The following JAM3 variants were observed in gnomAD, a reference collection of about 807,000 sequenced individuals.
The protein encoded by JAM3 is junctional adhesion molecule 3.
Under a neutral mutation model 39.4 loss-of-function variants are expected in JAM3, and 31 were observed. The observed-to-expected ratio is 0.79, with a 90% CI of 0.59 to 1.06. The LOEUF (loss-of-function observed/expected upper bound fraction) is 1.06, where lower values mean the gene tolerates loss of function less well. Among genes scored for constraint, JAM3 ranks in the 50% least tolerant of loss-of-function variants. The pLI, the probability that JAM3 is intolerant of heterozygous loss-of-function variation, is 0.00. For missense variants in JAM3, 455 were observed against 391.4 expected (o/e 1.16, Z -1.37); for synonymous variants, 182 against 148.7 (o/e 1.22, Z -1.63).
At chr11:134,079,334 A>C (rs1405075453) in intron 1 of JAM3, among the ~76,000 whole-genome samples, 1 of 152,212 alleles carries the variant, frequency 6.6e-6, no homozygotes, top group Non-Finnish European at 1.5e-5. Context: ...TACTAGTAAC[A>C]GCTATAGATG....
intron 1 of JAM3, among the ~76,000 whole-genome samples, chr11:134,123,087 C>A (rs1272205129): frequency 6.6e-6 from 1 of 152,218 alleles, no homozygotes; most frequent in Non-Finnish European, 1.5e-5. Context: ...AGGCTCTTGG[C>A]TACTTTGTCT....
At chr11:134,076,156 T>TTC (rs1941566192) in intron 1 of JAM3, among the ~76,000 whole-genome samples, 3 of 142,890 alleles carry the variant, frequency 2.1e-5, no homozygotes, top group Non-Finnish European at 3.1e-5. Context: ...TCTTTCTTTT[T>TTC]TTTTTTTTTT....
intron 1 of JAM3, among the ~76,000 whole-genome samples, chr11:134,120,558 TTAG>T (rs761089524): frequency 1.1e-4 from 16 of 152,212 alleles, no homozygotes; most frequent in Non-Finnish European, 2.2e-4. Flanking sequence ...CAGTTAAATG[TTAG>T]TAGCCATTGT....
intron 1 of JAM3, among the ~76,000 whole-genome samples, chr11:134,098,111 G>A (rs1174489757): frequency 6.6e-6 from 1 of 152,146 alleles, no homozygotes; most frequent in African/African-American, 2.4e-5. Flanking sequence ...TTGATTGAGT[G>A]TATACCCAGG....
At chr11:134,146,191 GCA>G (rs1943067668) in intron 6 of JAM3, 146 bp downstream of exon 6, 1 of 698,650 alleles carries the variant, frequency 1.4e-6, no homozygotes, top group Non-Finnish European at 2.6e-6. Flanking sequence ...AGAACCCACT[GCA>G]CAGTGAAGGG....
chr11:134,090,608 C>T (rs567575131), intron 1 of JAM3, among the ~76,000 whole-genome samples: 1 of 152,004 alleles, frequency 6.6e-6, no homozygotes, highest in Non-Finnish European at 1.5e-5. Context: ...GGTTAGTAGC[C>T]TGAACATCTG....
intron 4 of JAM3, 44 bp from the exon 5 acceptor site, chr11:134,144,748 G>C: frequency 1.3e-6 from 2 of 1,516,168 alleles, no homozygotes; most frequent in Non-Finnish European, 1.8e-6. Flanking sequence ...TAAGAATAGA[G>C]CCCTGTCACT....
intron 2 of JAM3, among the ~76,000 whole-genome samples, chr11:134,140,366 T>C (rs1055321319): frequency 8.6e-5 from 13 of 152,044 alleles, no homozygotes; most frequent in African/African-American, 2.9e-4. Context: ...CTCCTTGGCC[T>C]CCCAAAGTGC....
rs1019545435 is a variant in JAM3, at chr11:134,137,286, C to A, written c.77-2565C>A. Among the ~76,000 whole-genome samples the A allele has an allele frequency of 1.1e-4, 16 of 152,176 alleles. 1 individual carries two copies. Among genetic ancestry groups the A allele is most frequent in the Admixed American group, 1.0e-3 (16 of 15,274 alleles). ...AGATACATATCTCAGTTGGCCTTCA[C>A]GAAAATTAAACACCATTTACCTTTT... is the stretch of plus-strand genomic sequence containing the variant. On this transcript the variant is annotated intron_variant, in intron 1 of 8. Coordinates refer to ENST00000299106, the MANE Select transcript of JAM3 (RefSeq NM_032801.5).
At chr11:134,099,741 G>T (rs1440673473) in intron 1 of JAM3, among the ~76,000 whole-genome samples, 1 of 152,102 alleles carries the variant, frequency 6.6e-6, no homozygotes, top group Non-Finnish European at 1.5e-5. Context: ...TGAGTAGCTG[G>T]GATTACAGGT....
At chr11:134,120,695 A>T (rs1012391815) in intron 1 of JAM3, among the ~76,000 whole-genome samples, 4 of 152,122 alleles carry the variant, frequency 2.6e-5, no homozygotes, top group African/African-American at 4.8e-5. Flanking sequence ...TGCACATTCA[A>T]ACCTTGACGA....
chr11:134,096,836 A>T (rs1322408009), intron 1 of JAM3, among the ~76,000 whole-genome samples: 2 of 152,202 alleles, frequency 1.3e-5, no homozygotes, highest in African/African-American at 4.8e-5. Flanking sequence ...ATGCTGTACC[A>T]GTTAATAAAG....
At chr11:134,117,282 CAGA>C (rs1184667541) in intron 1 of JAM3, among the ~76,000 whole-genome samples, 1 of 152,142 alleles carries the variant, frequency 6.6e-6, no homozygotes, top group East Asian at 1.9e-4. Flanking sequence ...GAGGCTGAGG[CAGA>C]AGAATTGCTT....
rs200008088 is a variant in JAM3, at chr11:134,090,129, G to A, written c.76+20970G>A. Among the ~76,000 whole-genome samples, 7 of 152,298 alleles carry A rather than the reference G, an allele frequency of 4.6e-5. No homozygotes were observed. The East Asian group carries it at 7.7e-4, about 17-fold the overall frequency. On this transcript the variant is annotated intron_variant, in intron 1 of 8. Coordinates refer to ENST00000299106, the MANE Select transcript of JAM3 (RefSeq NM_032801.5). ...CTTCTTTTGAGAAGTGTCTGTTCAT[G>A]TCCTTTGCCCACTTTTTGATGGGGT...
In JAM3 at chr11:134,095,273, A is replaced by G. The variant is rs577607954; in HGVS notation, c.76+26114A>G. On this transcript the variant is annotated intron_variant, in intron 1 of 8. Coordinates refer to ENST00000299106, the MANE Select transcript of JAM3 (RefSeq NM_032801.5). ...GAATACCTTCTAAAGATCTGTTTGC[A>G]TGTACTAATGCAAATATGGAAAACT... Among the ~76,000 whole-genome samples the G allele has an allele frequency of 2.0e-5, 3 of 152,320 alleles. No homozygotes were observed. The South Asian group carries it at 6.2e-4, about 32-fold the overall frequency.
At chr11:134,072,656 C>T (rs149131502) in intron 1 of JAM3, among the ~76,000 whole-genome samples, 285 of 152,280 alleles carry the variant, frequency 1.9e-3, no homozygotes, top group Non-Finnish European at 2.7e-3. Flanking sequence ...TACAGTGGCT[C>T]ACGCCAGCAC....
At chr11:134,100,727 G>T (rs545375187) in intron 1 of JAM3, among the ~76,000 whole-genome samples, 1 of 152,110 alleles carries the variant, frequency 6.6e-6, no homozygotes, top group African/African-American at 2.4e-5. Flanking sequence ...GAGGAGAAAG[G>T]TATTATAATT....
intron 1 of JAM3, among the ~76,000 whole-genome samples, chr11:134,139,365 A>C (rs1591805233): frequency 6.6e-6 from 1 of 152,236 alleles, no homozygotes; most frequent in East Asian, 1.9e-4. Context: ...GTGGACTCCT[A>C]GCTGGTTGAT....
intron 1 of JAM3, among the ~76,000 whole-genome samples, chr11:134,082,583 C>G (rs750177808): frequency 6.6e-6 from 1 of 152,140 alleles, no homozygotes; most frequent in Non-Finnish European, 1.5e-5. Flanking sequence ...TTTCCCTATA[C>G]AAGCTCTTCT....
Sources: allele counts gnomAD v4.1 joint callset (sites outside exome capture counted in the v4.1 genomes callset), GRCh38; gene constraint gnomAD v4.1.1; transcripts MANE v1.5; gene names NCBI Gene and HGNC (gene_info 2026-07-23, HGNC 2026-07-21).